Variants in ALDH1A2 observed in about 807,000 individuals in gnomAD.
The protein encoded by ALDH1A2 is retinal dehydrogenase 2.
Under a neutral mutation model 60.3 loss-of-function variants are expected in ALDH1A2, and 27 were observed. The observed-to-expected ratio is 0.45, with a 90% CI of 0.33 to 0.62. The LOEUF is 0.62. ALDH1A2 is among the 20% of genes least tolerant of loss of function. The pLI is 0.02. For missense variants in ALDH1A2, 581 were observed against 643.8 expected (o/e 0.90, Z 1.06); for synonymous variants, 289 against 232.4 (o/e 1.24, Z -2.21).
intron 1 of ALDH1A2, 142 bp downstream of exon 1, chr15:58,065,392 G>T (rs1227017178): frequency 2.5e-6 from 2 of 801,074 alleles, no homozygotes; most frequent in Non-Finnish European, 4.4e-6. Context: ...CAGGCAGGGG[G>T]TCCCTCTGCT....
At chr15:58,065,347 C>A (rs367573489) in intron 1 of ALDH1A2, 187 bp downstream of exon 1, 15 of 676,026 alleles carry the variant, frequency 2.2e-5, no homozygotes, top group African/African-American at 2.0e-4. Context: ...CGTCCTCAGA[C>A]CACGGCGGGG....
intron 7 of ALDH1A2, chr15:57,980,479 G>A (rs1399668162): frequency 4.6e-5 from 13 of 283,956 alleles, no homozygotes; most frequent in South Asian, 1.8e-4. Context: ...AGATAATCCC[G>A]TCCTTCAGGC....
intron 1 of ALDH1A2, chr15:58,036,742 A>C (rs12148093): frequency 1.3e-5 from 2 of 151,654 alleles, no homozygotes; most frequent in South Asian, 4.1e-4. Context: ...TACTCTAAGG[A>C]AAGTTAAATA....
At chr15:58,035,090 C>T (rs957335862) in intron 1 of ALDH1A2, among the ~76,000 whole-genome samples, 2 of 151,546 alleles carry the variant, frequency 1.3e-5, no homozygotes, top group Admixed American at 1.3e-4. Flanking sequence ...GGACTTAGTG[C>T]TTTCTTTTTT....
intron 12 of ALDH1A2, among the ~76,000 whole-genome samples, chr15:57,957,052 C>A (rs1893551532): frequency 6.6e-6 from 1 of 152,202 alleles, no homozygotes; most frequent in African/African-American, 2.4e-5. Context: ...GGACTCAAAT[C>A]TGCTACCAAA....
At chr15:58,002,199 G>C (rs1299201887) in intron 4 of ALDH1A2, among the ~76,000 whole-genome samples, 1 of 151,824 alleles carries the variant, frequency 6.6e-6, no homozygotes, top group African/African-American at 2.4e-5. Flanking sequence ...GAATTTGGCT[G>C]AGCTGTGAAT....
At chr15:57,995,241 CAG>C in intron 4 of ALDH1A2, 102 bp from the exon 5 acceptor site, 3 of 624,480 alleles carry the variant, frequency 4.8e-6, no homozygotes, top group South Asian at 2.0e-5. Context: ...AAAAAACAAA[CAG>C]AAATAAACTT....
Position 57,965,716 on chromosome 15 carries a change from T to A in ALDH1A2, c.901+9A>T. ...GGTGGTTCATGTATGGGACCTGTAG[T>A]TGACTTACAGTCAGCATCAGCAAAA... On this transcript the variant is annotated intron_variant, in intron 8 of 12. Coordinates refer to ENST00000249750, the MANE Select transcript of ALDH1A2 (RefSeq NM_003888.4). 6.3e-7 allele frequency: 1 copy of A among 1,592,060 alleles called. No homozygotes were observed. The highest frequency in any genetic ancestry group is 8.6e-7 in the Non-Finnish European group (1 of 1,159,824).
intron 1 of ALDH1A2, among the ~76,000 whole-genome samples, chr15:58,026,284 C>A (rs933594645): frequency 2.6e-5 from 4 of 152,148 alleles, no homozygotes; most frequent in African/African-American, 7.2e-5. Context: ...ATACACAAAT[C>A]AGCAAACATG....
At chr15:58,065,436 G>A in intron 1 of ALDH1A2, 98 bp downstream of exon 1, 2 of 1,078,008 alleles carry the variant, frequency 1.9e-6, no homozygotes, top group African/African-American at 1.6e-5. Context: ...CGACGACCCC[G>A]GCCCCGTCCC....
At chr15:58,036,195 C>T (rs527702173) in intron 1 of ALDH1A2, among the ~76,000 whole-genome samples, 16 of 151,528 alleles carry the variant, frequency 1.1e-4, no homozygotes, top group African/African-American at 3.9e-4. Context: ...ACAAAAATTG[C>T]TAGAAGTACA....
intron 8 of ALDH1A2, chr15:57,964,440 C>T (rs1893830089): frequency 1.0e-5 from 2 of 194,000 alleles, no homozygotes; most frequent in Admixed American, 1.1e-4. Flanking sequence ...TTAATCATTG[C>T]CATGCATAAA....
chr15:58,048,614 A>C (rs1179317687), intron 1 of ALDH1A2, among the ~76,000 whole-genome samples: 1 of 152,002 alleles, frequency 6.6e-6, no homozygotes, highest in African/African-American at 2.4e-5. Context: ...CATTCAGATT[A>C]AAGGGTCCAG....
chr15:57,956,827 G>T (rs1256058366), intron 12 of ALDH1A2, among the ~76,000 whole-genome samples: 1 of 152,132 alleles, frequency 6.6e-6, no homozygotes, highest in Non-Finnish European at 1.5e-5. Context: ...ACTTGTTGGG[G>T]CAGGTCGCGA....
intron 7 of ALDH1A2, among the ~76,000 whole-genome samples, chr15:57,978,491 G>A (rs550664238): frequency 6.6e-6 from 1 of 152,252 alleles, no homozygotes; most frequent in Admixed American, 6.5e-5. Flanking sequence ...TACATTTATT[G>A]ATCTGCATAT....
At chr15:58,003,254 C>G (rs2140504753) in intron 4 of ALDH1A2, among the ~76,000 whole-genome samples, 1 of 151,936 alleles carries the variant, frequency 6.6e-6, no homozygotes, top group African/African-American at 2.4e-5. Flanking sequence ...TCAGGTCCCA[C>G]TAACAAGCAA....
intron 10 of ALDH1A2, 71 bp from the exon 11 acceptor site, chr15:57,961,365 A>C: frequency 6.4e-7 from 1 of 1,556,300 alleles, no homozygotes; most frequent in Non-Finnish European, 8.8e-7. Context: ...ATTTCAATGC[A>C]AGTTTACTCT....
Position 57,987,471 on chromosome 15 carries a change from C to A in ALDH1A2, c.798+5234G>T, listed in dbSNP as rs190475533. On this transcript the variant is annotated intron_variant, in intron 7 of 12. Transcript: ENST00000249750. Reference sequence around the variant, plus strand: ...GATAACAATGATTGCTGTATCTCATCAGAAACAGTAAAGTCAGAAACATGC... The same window carrying A: ...GATAACAATGATTGCTGTATCTCATAAGAAACAGTAAAGTCAGAAACATGC... 1.9e-4 allele frequency among the ~76,000 whole-genome samples: 29 copies of A among 152,210 alleles called. No homozygotes were observed. The East Asian group carries it at 5.0e-3, about 26-fold the overall frequency.
At chr15:58,008,807 C>A (rs1895540317) in intron 4 of ALDH1A2, among the ~76,000 whole-genome samples, 1 of 151,950 alleles carries the variant, frequency 6.6e-6, no homozygotes, top group African/African-American at 2.4e-5. Flanking sequence ...GACATGTGTC[C>A]CACTGTTGAC....
Sources: allele counts gnomAD v4.1 joint callset (sites outside exome capture counted in the v4.1 genomes callset), GRCh38; gene constraint gnomAD v4.1.1; transcripts MANE v1.5; gene names NCBI Gene and HGNC (gene_info 2026-07-23, HGNC 2026-07-21).